The following ADGRL3 variants were observed in gnomAD, a reference collection of about 807,000 sequenced individuals.
ADGRL3 encodes calcium-independent alpha-latrotoxin receptor 3.
A neutral mutation model predicts 153.5 loss-of-function variants in ADGRL3; 62 were observed. The ratio of observed to expected loss-of-function variants is 0.40; its 90% CI spans 0.33 to 0.50. ADGRL3 has a LOEUF of 0.50. Among genes scored for constraint, ADGRL3 ranks in the 20% least tolerant of loss-of-function variants. The probability of loss-of-function intolerance (pLI) is 0.47; values close to 1 mark genes in which losing one functional copy is unlikely to be tolerated. For synonymous variants in ADGRL3, 710 were observed against 672.5 expected (o/e 1.06, Z -0.86); for missense variants, 1,641 against 1,859.4 (o/e 0.88, Z 2.16).
intron 18 of ADGRL3, among the ~76,000 whole-genome samples, chr4:61,980,306 ATTTTTT>A (rs756680977): frequency 2.7e-5 from 2 of 74,430 alleles, no homozygotes; most frequent in Non-Finnish European, 5.1e-5. Flanking sequence ...GTAACCACTA[ATTTTTT>A]TTTTTTTTTT....
At chr4:61,371,468 T>A (rs1437698887) in intron 1 of ADGRL3, among the ~76,000 whole-genome samples, 1 of 151,882 alleles carries the variant, frequency 6.6e-6, no homozygotes, top group African/African-American at 2.4e-5. Flanking sequence ...TGTAAAGTAT[T>A]TTATTTCTCC....
At chr4:61,481,943 C>CA (rs2098136100) in intron 2 of ADGRL3, among the ~76,000 whole-genome samples, 1 of 151,974 alleles carries the variant, frequency 6.6e-6, no homozygotes, top group African/African-American at 2.4e-5. Flanking sequence ...AGCAAAAATA[C>CA]GTTTTTTTCC....
intron 6 of ADGRL3, among the ~76,000 whole-genome samples, chr4:61,693,696 C>T (rs1189374757): frequency 1.3e-5 from 2 of 152,114 alleles, no homozygotes; most frequent in East Asian, 1.9e-4. Context: ...ATTTAGTTTT[C>T]AACATTGCCT....
intron 5 of ADGRL3, among the ~76,000 whole-genome samples, chr4:61,605,979 G>A (rs2099030707): frequency 6.6e-6 from 1 of 152,108 alleles, no homozygotes; most frequent in South Asian, 2.1e-4. Context: ...TGGGAGAGAC[G>A]ACAAATACTT....
rs544881151 is a variant in ADGRL3 at position 61,479,328 on chromosome 4, A to G, written c.-173-17793A>G. On this transcript the variant is annotated intron_variant, in intron 2 of 26. Coordinates refer to ENST00000683033, the MANE Select transcript of ADGRL3 (RefSeq NM_001387552.1). ...AGATGTATGTAATGTTTAAACATAT[A>G]AATACACACACCGCCCCCCATGCAA... Among the ~76,000 whole-genome samples, 194 of 152,230 alleles carry G rather than the reference A, an allele frequency of 1.3e-3. 4 individuals are homozygous for G. The highest frequency in any genetic ancestry group is 6.8e-3 in the Middle Eastern group (2 of 294).
chr4:61,214,070 A>G (rs996395180), intron 1 of ADGRL3, among the ~76,000 whole-genome samples: 4 of 152,262 alleles, frequency 2.6e-5, no homozygotes, highest in Non-Finnish European at 5.9e-5. Context: ...TAGTTCTACT[A>G]TGTATATATG....
intron 8 of ADGRL3, among the ~76,000 whole-genome samples, chr4:61,749,862 TAATAA>T (rs1209218397): frequency 6.6e-6 from 1 of 150,430 alleles, no homozygotes; most frequent in Non-Finnish European, 1.5e-5. Flanking sequence ...AGTATAATAA[TAATAA>T]AATAAAAATA....
intron 1 of ADGRL3, among the ~76,000 whole-genome samples, chr4:61,350,702 T>G (rs529913028): frequency 6.6e-6 from 1 of 152,270 alleles, no homozygotes. Flanking sequence ...ATCAGTTATC[T>G]TTGATGTTAC....
In ADGRL3 at chr4:61,388,652, C is replaced by T. The variant is rs79202155; in HGVS notation, c.-174+5463C>T. Among the ~76,000 whole-genome samples, 1,403 of 152,292 alleles carry T rather than the reference C, an allele frequency of 9.2e-3. 33 individuals are homozygous for T. The highest frequency in any genetic ancestry group is 0.032 in the African/African-American group (1,327 of 41,558). On this transcript the variant is annotated intron_variant, in intron 2 of 26. Transcript: ENST00000683033. ...CTTCTGTGTGGATAATTACATCACC[C>T]TCCTGTTTTCCTTGCTCCACTGTTG...
At chr4:62,007,381 T>TATATATATATATAC (rs1553908589) in intron 21 of ADGRL3, among the ~76,000 whole-genome samples, 8 of 9,296 alleles carry the variant, frequency 8.6e-4, no homozygotes, top group South Asian at 0.013. Flanking sequence ...TATATATATA[T>TATATATATATATAC]ATACACACAC....
At chr4:61,968,565 G>T (rs1189607248) in intron 17 of ADGRL3, among the ~76,000 whole-genome samples, 1 of 152,110 alleles carries the variant, frequency 6.6e-6, no homozygotes, top group Non-Finnish European at 1.5e-5. Flanking sequence ...CACAATGATA[G>T]GCATCTTGTC....
intron 17 of ADGRL3, among the ~76,000 whole-genome samples, chr4:61,971,203 AT>A (rs1457321905): frequency 6.6e-6 from 1 of 151,590 alleles, no homozygotes; most frequent in Non-Finnish European, 1.5e-5. Flanking sequence ...CATGTGCACA[AT>A]GTGCAGGTTA....
intron 18 of ADGRL3, among the ~76,000 whole-genome samples, chr4:61,982,325 A>C (rs2099071227): frequency 6.6e-6 from 1 of 152,188 alleles, no homozygotes; most frequent in Non-Finnish European, 1.5e-5. Context: ...CTTGCTAGCG[A>C]GGTATCCTTT....
intron 9 of ADGRL3, among the ~76,000 whole-genome samples, chr4:61,878,734 G>C (rs2098491019): frequency 1.3e-5 from 2 of 152,132 alleles, no homozygotes; most frequent in African/African-American, 2.4e-5. Context: ...ATTGAGAGTT[G>C]TTGTCAAGCA....
chr4:61,208,107 A>G (rs73212223), intron 1 of ADGRL3, among the ~76,000 whole-genome samples: 7,786 of 152,184 alleles, frequency 0.051, 670 homozygotes, highest in African/African-American at 0.18. Flanking sequence ...ATGCAGCCTG[A>G]TCTGCTGACT....
intron 18 of ADGRL3, among the ~76,000 whole-genome samples, chr4:61,982,695 G>C (rs796621582): frequency 6.6e-6 from 1 of 152,122 alleles, no homozygotes. Flanking sequence ...TTCTGACCAA[G>C]CTTGTCTAAA....
chr4:61,702,302 A>G (rs539369133), intron 6 of ADGRL3, among the ~76,000 whole-genome samples: 1 of 152,334 alleles, frequency 6.6e-6, no homozygotes, highest in Admixed American at 6.5e-5. Flanking sequence ...GGTTCTTTCC[A>G]AGGCACTATG....
chr4:61,261,197 T>G (rs1395665647), intron 1 of ADGRL3, among the ~76,000 whole-genome samples: 2 of 149,788 alleles, frequency 1.3e-5, no homozygotes, highest in Non-Finnish European at 3.0e-5. Flanking sequence ...TTCTTTTTTT[T>G]TTTTTTTTTT....
At chr4:61,817,178 C>A (rs1021051592) in intron 9 of ADGRL3, among the ~76,000 whole-genome samples, 2 of 144,964 alleles carry the variant, frequency 1.4e-5, no homozygotes, top group Non-Finnish European at 3.0e-5. Context: ...GGCATGAAAA[C>A]CCTGGGCACC....
Sources: gnomAD v4.1 joint callset for allele counts (sites outside exome capture counted in the v4.1 genomes callset) on GRCh38, gnomAD v4.1.1 for gene constraint, MANE v1.5 for transcripts, NCBI Gene and HGNC (gene_info 2026-07-23, HGNC 2026-07-21) for gene names.